The following RBMS3 variants were observed in gnomAD, a reference collection of about 807,000 sequenced individuals.
RBMS3 encodes RNA-binding motif, single-stranded-interacting protein 3.
A neutral mutation model predicts 66.8 loss-of-function variants in RBMS3; 27 were observed. The observed-to-expected ratio is 0.40, with a 90% confidence interval of 0.30 to 0.56. The LOEUF is 0.56. RBMS3 is among the 20% of genes least tolerant of loss of function. The pLI is 0.40. For synonymous variants in RBMS3, 188 were observed against 183.0 expected (o/e 1.03, Z -0.22); for missense variants, 513 against 549.5 (o/e 0.93, Z 0.66).
intron 4 of RBMS3, among the ~76,000 whole-genome samples, chr3:29,717,712 A>G (rs1363048296): frequency 6.6e-6 from 1 of 152,096 alleles, no homozygotes; most frequent in Non-Finnish European, 1.5e-5. Flanking sequence ...AAATTCTCTT[A>G]CTTACCTCGT....
At chr3:29,673,108 C>G (rs576190817) in intron 4 of RBMS3, among the ~76,000 whole-genome samples, 2 of 152,194 alleles carry the variant, frequency 1.3e-5, no homozygotes, top group African/African-American at 4.8e-5. Context: ...CAATACCGCA[C>G]AACTCCATGG....
chr3:29,670,059 A>G (rs1391400295), intron 4 of RBMS3, among the ~76,000 whole-genome samples: 1 of 152,170 alleles, frequency 6.6e-6, no homozygotes, highest in African/African-American at 2.4e-5. Flanking sequence ...CCATGTAATC[A>G]TTCCTTATAA....
intron 2 of RBMS3, 80 bp downstream of exon 2, chr3:29,434,995 G>A (rs1008405350): frequency 4.6e-5 from 64 of 1,395,302 alleles, no homozygotes; most frequent in Non-Finnish European, 5.0e-5. Context: ...TTCAGTCAAT[G>A]TACTCATCCA....
chr3:29,884,422 T>TTCTCTCTCTCTCTC (rs571002730), intron 8 of RBMS3, among the ~76,000 whole-genome samples: 15 of 41,880 alleles, frequency 3.6e-4, no homozygotes, highest in African/African-American at 9.3e-4. Context: ...TTAAACCCTG[T>TTCTCTCTCTCTCTC]TCTCTCTCTC....
intron 6 of RBMS3, among the ~76,000 whole-genome samples, chr3:29,827,941 C>T (rs1207966571): frequency 6.6e-6 from 1 of 152,136 alleles, no homozygotes; most frequent in African/African-American, 2.4e-5. Flanking sequence ...CATCCAGACA[C>T]AGTGAGTCAT....
chr3:29,931,426 A>T (rs1006722835), intron 10 of RBMS3, among the ~76,000 whole-genome samples: 4 of 152,170 alleles, frequency 2.6e-5, no homozygotes, highest in Non-Finnish European at 5.9e-5. Context: ...ATCCTTCCAA[A>T]ATGCTTACAA....
chr3:29,682,001 A>C (rs548792379), intron 4 of RBMS3, among the ~76,000 whole-genome samples: 1 of 152,274 alleles, frequency 6.6e-6, no homozygotes, highest in African/African-American at 2.4e-5. Context: ...TTTTATCTAC[A>C]ACCTCACCAG....
At chr3:29,660,271 A>G (rs931377636) in intron 4 of RBMS3, among the ~76,000 whole-genome samples, 2 of 144,154 alleles carry the variant, frequency 1.4e-5, no homozygotes, top group African/African-American at 3.0e-5. Context: ...TCATCTTGCT[A>G]TATTAAAATT....
chr3:29,294,281 G>A (rs2033064566), intron 1 of RBMS3, among the ~76,000 whole-genome samples: 1 of 151,672 alleles, frequency 6.6e-6, no homozygotes. Flanking sequence ...TTTTTTACAT[G>A]TCCACATGGA....
At chr3:29,363,746 C>T (rs9838940) in intron 1 of RBMS3, among the ~76,000 whole-genome samples, 8,093 of 150,750 alleles carry the variant, frequency 0.054, 313 homozygotes, top group African/African-American at 0.097. Flanking sequence ...GCTGAAATTG[C>T]GCCACTGCCC....
chr3:29,656,058 T>G (rs776893212), intron 4 of RBMS3, among the ~76,000 whole-genome samples: 142 of 152,276 alleles, frequency 9.3e-4, no homozygotes, highest in Middle Eastern at 3.4e-3. Context: ...AGGTAGGTTA[T>G]TATAACAGTC....
chr3:29,772,687 A>T (rs2056262559), intron 6 of RBMS3, among the ~76,000 whole-genome samples: 1 of 151,958 alleles, frequency 6.6e-6, no homozygotes, highest in East Asian at 1.9e-4. Flanking sequence ...CAGGGGTAGG[A>T]TTCTTTCTGA....
At chr3:29,922,664 C>T (rs1179873623) in intron 10 of RBMS3, among the ~76,000 whole-genome samples, 1 of 151,612 alleles carries the variant, frequency 6.6e-6, no homozygotes, top group African/African-American at 2.4e-5. Context: ...ATTTGAGTAC[C>T]CCCTCAGTAT....
intron 4 of RBMS3, among the ~76,000 whole-genome samples, chr3:29,661,244 T>C (rs1453132211): frequency 1.3e-5 from 2 of 152,214 alleles, no homozygotes; most frequent in African/African-American, 4.8e-5. Context: ...GTGCAATTGT[T>C]GTCCAGGTGG....
intron 14 of RBMS3, among the ~76,000 whole-genome samples, chr3:29,994,305 A>T (rs1429549438): frequency 6.6e-6 from 1 of 152,218 alleles, no homozygotes; most frequent in Non-Finnish European, 1.5e-5. Flanking sequence ...GCTGATTGCT[A>T]GCACAGCAGT....
Position 29,488,365 on chromosome 3 carries a change from C to T in RBMS3, c.249-76C>T, listed in dbSNP as rs375705665. 129 of 1,270,878 alleles carry T rather than the reference C, an allele frequency of 1.0e-4. 2 individuals are homozygous for T. In the East Asian group the frequency reaches 1.6e-3, roughly 16 times the overall value. 78.7% of individuals were successfully genotyped at this position (1,270,878 alleles called of 1,614,324 possible). A position where few individuals can be genotyped will look rare whatever the true frequency, so the allele number is the denominator to read the frequency against. ...TATGCATGCTCAGTTGTGTGTGCCC[C>T]GATGTTCATTAGAGTGTTTTAAGTG... is the stretch of plus-strand genomic sequence containing the variant. On this transcript the variant is annotated intron_variant, in intron 2 of 14. Transcript: ENST00000383767.
At chr3:29,454,089 T>C (rs963102215) in intron 2 of RBMS3, among the ~76,000 whole-genome samples, 1 of 152,220 alleles carries the variant, frequency 6.6e-6, no homozygotes, top group African/African-American at 2.4e-5. Context: ...ACTCCCTTTT[T>C]CTGCCAGAAC....
intron 10 of RBMS3, among the ~76,000 whole-genome samples, chr3:29,934,712 C>A (rs1055528858): frequency 6.6e-6 from 1 of 152,030 alleles, no homozygotes; most frequent in African/African-American, 2.4e-5. Context: ...TACTGAAAAG[C>A]CTAAATGTCT....
intron 1 of RBMS3, among the ~76,000 whole-genome samples, chr3:29,377,988 C>T (rs868035665): frequency 6.6e-6 from 1 of 152,094 alleles, no homozygotes; most frequent in African/African-American, 2.4e-5. Context: ...ATATTATCAC[C>T]TTAATATATA....
Sources: gnomAD v4.1 joint callset for allele counts (sites outside exome capture counted in the v4.1 genomes callset) on GRCh38, gnomAD v4.1.1 for gene constraint, MANE v1.5 for transcripts, NCBI Gene and HGNC (gene_info 2026-07-23, HGNC 2026-07-21) for gene names.